DAB1: variants seen among roughly 807,000 people sequenced by gnomAD.
DAB1 encodes disabled homolog 1.
Under a neutral mutation model 64.6 loss-of-function variants are expected in DAB1, and 15 were observed. That is an observed-to-expected ratio of 0.23 (90% CI 0.16 to 0.36). The LOEUF (loss-of-function observed/expected upper bound fraction) is 0.36. Among genes scored for constraint, DAB1 ranks in the 10% least tolerant of loss-of-function variants. The probability of loss-of-function intolerance (pLI) is 1.00; values close to 1 mark genes in which losing one functional copy is unlikely to be tolerated. For missense variants in DAB1, 596 were observed against 706.7 expected (o/e 0.84, Z 1.78); for synonymous variants, 235 against 251.9 (o/e 0.93, Z 0.64).
intron 7 of DAB1, among the ~76,000 whole-genome samples, chr1:57,453,572 A>G (rs1354410540): frequency 2.6e-5 from 4 of 152,196 alleles, no homozygotes; most frequent in Non-Finnish European, 5.9e-5. Flanking sequence ...TACAGCTCCA[A>G]GTTTGTAATC....
intron 5 of DAB1, among the ~76,000 whole-genome samples, chr1:57,947,780 T>C (rs976290207): frequency 6.6e-6 from 1 of 152,168 alleles, no homozygotes; most frequent in African/African-American, 2.4e-5. Context: ...GGCAGCTTAT[T>C]ATTTACCTTT....
intron 1 of DAB1, among the ~76,000 whole-genome samples, chr1:57,835,555 C>T (rs1013037862): frequency 6.6e-6 from 1 of 152,082 alleles, no homozygotes; most frequent in Non-Finnish European, 1.5e-5. Context: ...CCAAGGTCAC[C>T]CAGCAAGTTG....
At chr1:57,103,647 G>C (rs1490703143) in intron 4 of DAB1, among the ~76,000 whole-genome samples, 3 of 152,088 alleles carry the variant, frequency 2.0e-5, no homozygotes, top group Non-Finnish European at 4.4e-5. Flanking sequence ...GCAGACAGGT[G>C]CTTGGCCCCC....
At chr1:58,332,284 T>C (rs1662987587) in intron 4 of DAB1, among the ~76,000 whole-genome samples, 1 of 152,170 alleles carries the variant, frequency 6.6e-6, no homozygotes, top group South Asian at 2.1e-4. Context: ...CTTGTTCCCA[T>C]CTTGCTTCTC....
chr1:58,472,917 C>T (rs1000825768), intron 3 of DAB1, among the ~76,000 whole-genome samples: 1 of 152,096 alleles, frequency 6.6e-6, no homozygotes, highest in African/African-American at 2.4e-5. Context: ...GAAAGAGGAG[C>T]AGCCAGCAGT....
intron 2 of DAB1, among the ~76,000 whole-genome samples, chr1:57,257,419 T>C (rs737687): frequency 0.088 from 13,413 of 152,220 alleles, 1,955 homozygotes; most frequent in African/African-American, 0.31. Context: ...TAAGTATCTA[T>C]GGTGGATAAA....
intron 6 of DAB1, among the ~76,000 whole-genome samples, chr1:57,781,126 C>CTATA (rs35044056): frequency 4.0e-4 from 11 of 27,720 alleles, no homozygotes; most frequent in African/African-American, 8.3e-4. Context: ...CTCTCTCTCT[C>CTATA]TATATATATA....
At chr1:57,315,890 T>C (rs775823177) in intron 1 of DAB1, among the ~76,000 whole-genome samples, 1 of 152,206 alleles carries the variant, frequency 6.6e-6, no homozygotes, top group Non-Finnish European at 1.5e-5. Context: ...CCCACCACTG[T>C]TATTGTAAGT....
intron 3 of DAB1, among the ~76,000 whole-genome samples, chr1:58,436,940 T>C (rs752910154): frequency 2.6e-5 from 4 of 152,200 alleles, no homozygotes; most frequent in Admixed American, 6.5e-5. Flanking sequence ...CCTTTCCATT[T>C]GTCACCTAAA....
intron 2 of DAB1, among the ~76,000 whole-genome samples, chr1:57,152,222 G>A (rs759607081): frequency 1.3e-5 from 2 of 152,160 alleles, no homozygotes; most frequent in Admixed American, 6.5e-5. Flanking sequence ...GTGCCAGTGC[G>A]GTAGGGGAGG....
At position 57,938,941 on chromosome 1, in the gene DAB1, A is replaced by G. The variant is rs148607095; in HGVS notation, n.388-54779T>C. On this transcript the variant is annotated intron_variant and non_coding_transcript_variant, in intron 5 of 20. Transcript: ENST00000485760. Reference sequence around the variant, plus strand: ...CCAAACCAGTTATTAAATATTTTCAATGTCCCCTGGTTACTCATTACTTTC... The same window carrying G: ...CCAAACCAGTTATTAAATATTTTCAGTGTCCCCTGGTTACTCATTACTTTC... 4.1e-4 allele frequency among the ~76,000 whole-genome samples: 63 copies of G among 152,106 alleles called. 1 individual carries two copies. Among genetic ancestry groups the G allele is most frequent in the Middle Eastern group, 3.4e-3 (1 of 294 alleles).
At chr1:57,887,515 T>C (rs894583293), upstream of DAB1, among the ~76,000 whole-genome samples, 2 of 152,196 alleles carry the variant, frequency 1.3e-5, no homozygotes, top group Admixed American at 1.3e-4. Flanking sequence ...AAACTAAATG[T>C]TTTATAAAAA....
At chr1:58,211,144 G>A (rs911765161) in intron 4 of DAB1, among the ~76,000 whole-genome samples, 3 of 152,022 alleles carry the variant, frequency 2.0e-5, no homozygotes, top group Non-Finnish European at 2.9e-5. Flanking sequence ...TAAGAACATC[G>A]GTCAGCTGCC....
At chr1:57,991,802 T>C (rs1266000191) in intron 5 of DAB1, among the ~76,000 whole-genome samples, 1 of 123,846 alleles carries the variant, frequency 8.1e-6, no homozygotes, top group Non-Finnish European at 1.6e-5. Flanking sequence ...GCTGAGATCA[T>C]ATCACTGCAC....
intron 3 of DAB1, among the ~76,000 whole-genome samples, chr1:58,437,619 T>C (rs898372334): frequency 6.6e-6 from 1 of 152,248 alleles, no homozygotes; most frequent in Admixed American, 6.5e-5. Context: ...GTATAAGCTC[T>C]AATGCAAGCA....
At chr1:57,256,614 C>T (rs1669782568) in intron 2 of DAB1, among the ~76,000 whole-genome samples, 1 of 152,168 alleles carries the variant, frequency 6.6e-6, no homozygotes, top group Non-Finnish European at 1.5e-5. Context: ...ACTTTCTAGA[C>T]ACCACAGATC....
chr1:58,401,657 C>A (rs924049852), intron 3 of DAB1, among the ~76,000 whole-genome samples: 3 of 152,142 alleles, frequency 2.0e-5, no homozygotes, highest in African/African-American at 7.2e-5. Flanking sequence ...TAAAACAACG[C>A]CTGGTACATA....
chr1:58,423,030 T>C (rs1040390190), intron 3 of DAB1, among the ~76,000 whole-genome samples: 1 of 152,128 alleles, frequency 6.6e-6, no homozygotes, highest in East Asian at 1.9e-4. Context: ...GAAGGTAGAA[T>C]GGCCGTTGAG....
chr1:58,360,724 G>A (rs937905253), intron 3 of DAB1, among the ~76,000 whole-genome samples: 10 of 152,156 alleles, frequency 6.6e-5, no homozygotes, highest in African/African-American at 2.4e-4. Flanking sequence ...CTGCGCTAAT[G>A]AGAGAGTGTC....
Sources: allele counts gnomAD v4.1 joint callset (sites outside exome capture counted in the v4.1 genomes callset), GRCh38; gene constraint gnomAD v4.1.1; transcripts MANE v1.5; gene names NCBI Gene and HGNC (gene_info 2026-07-23, HGNC 2026-07-21).